The following ERBB4 variants were observed in gnomAD, a reference collection of about 807,000 sequenced individuals.
ERBB4 encodes the protein erb-b2 receptor tyrosine kinase 4.
In ERBB4, 42 loss-of-function variants were observed where a neutral mutation model predicts 158.0. The observed-to-expected ratio is 0.27, with a 90% CI of 0.21 to 0.34. ERBB4 has a LOEUF of 0.34. Among genes scored for constraint, ERBB4 ranks in the 10% least tolerant of loss-of-function variants. The pLI, the probability that ERBB4 is intolerant of heterozygous loss-of-function variation, is 1.00. For missense variants in ERBB4, 1,333 were observed against 1,624.1 expected, an observed-to-expected ratio of 0.82 and a Z score of 3.08; for synonymous variants, 583 against 558.7, an observed-to-expected ratio of 1.04 and a Z score of -0.61.
At chr2:212,478,464 TAAATATA>T (rs909364291) in intron 1 of ERBB4, among the ~76,000 whole-genome samples, 4 of 151,450 alleles carry the variant, frequency 2.6e-5, no homozygotes, top group Admixed American at 1.3e-4. Flanking sequence ...AAGTTATGAA[TAAATATA>T]AAATATAAGT....
At chr2:212,120,444 T>A (rs2079714107) in intron 2 of ERBB4, among the ~76,000 whole-genome samples, 1 of 152,166 alleles carries the variant, frequency 6.6e-6, no homozygotes, top group Non-Finnish European at 1.5e-5. Context: ...TTAAGACAAA[T>A]ACTAATTCAT....
chr2:211,557,838 T>C (rs1257104073), intron 20 of ERBB4, among the ~76,000 whole-genome samples: 1 of 152,170 alleles, frequency 6.6e-6, no homozygotes, highest in East Asian at 1.9e-4. Context: ...TGCAACAGTA[T>C]TTCCAATAGC....
At chr2:211,771,365 G>A (rs1047438212) in intron 4 of ERBB4, among the ~76,000 whole-genome samples, 1 of 152,318 alleles carries the variant, frequency 6.6e-6, no homozygotes, top group East Asian at 1.9e-4. Context: ...AGTGGAAACT[G>A]AATCTAAACA....
At chr2:211,443,701 C>T (rs745573324) in intron 20 of ERBB4, among the ~76,000 whole-genome samples, 7 of 151,960 alleles carry the variant, frequency 4.6e-5, no homozygotes, top group Non-Finnish European at 7.4e-5. Flanking sequence ...TCATTATCAG[C>T]GCTGCCACTA....
Position 211,999,308 on chromosome 2 carries a change from A to G in ERBB4, c.235-51692T>C, listed in dbSNP as rs182873411. Reference sequence around the variant, plus strand: ...AATTGGTTTTAAAATCATTAGCATCAATCAATTTTTTGCCAGTTCTCATAT... The same window carrying G: ...AATTGGTTTTAAAATCATTAGCATCGATCAATTTTTTGCCAGTTCTCATAT... On this transcript the variant is annotated intron_variant, in intron 2 of 27. Transcript: ENST00000342788. 2.4e-3 allele frequency among the ~76,000 whole-genome samples: 367 copies of G among 151,968 alleles called. 1 individual carries two copies. The highest frequency in any genetic ancestry group is 8.6e-3 in the African/African-American group (358 of 41,562).
At chr2:211,989,030 T>C (rs2082005793) in intron 2 of ERBB4, among the ~76,000 whole-genome samples, 8 of 152,068 alleles carry the variant, frequency 5.3e-5, no homozygotes, top group Admixed American at 5.2e-4. Context: ...TTCTTTTTTG[T>C]TCTATAGTCC....
intron 1 of ERBB4, among the ~76,000 whole-genome samples, chr2:212,316,008 T>C (rs2087257850): frequency 6.6e-6 from 1 of 151,434 alleles, no homozygotes; most frequent in Admixed American, 6.6e-5. Context: ...AGCTAAATAT[T>C]GATTCCTAAC....
intron 20 of ERBB4, among the ~76,000 whole-genome samples, chr2:211,561,430 C>A (rs2067389407): frequency 6.6e-6 from 1 of 152,112 alleles, no homozygotes; most frequent in African/African-American, 2.4e-5. Flanking sequence ...AAACTCTCAA[C>A]CATTAAAAAC....
At chr2:211,482,358 C>T (rs530840588) in intron 20 of ERBB4, among the ~76,000 whole-genome samples, 1 of 152,162 alleles carries the variant, frequency 6.6e-6, no homozygotes, top group Non-Finnish European at 1.5e-5. Context: ...TTAGAAGGGT[C>T]ATGCCTCAGT....
intron 25 of ERBB4, among the ~76,000 whole-genome samples, chr2:211,406,495 A>AAAACATTC (rs2063150677): frequency 6.6e-6 from 1 of 152,176 alleles, no homozygotes; most frequent in Non-Finnish European, 1.5e-5. Flanking sequence ...TCTGATGATA[A>AAAACATTC]AAACATTCAA....
chr2:212,147,746 G>C (rs375854054), intron 1 of ERBB4, among the ~76,000 whole-genome samples: 1 of 152,266 alleles, frequency 6.6e-6, no homozygotes, highest in African/African-American at 2.4e-5. Context: ...TTGTTAGTTT[G>C]AGAAACATTG....
At chr2:211,982,212 T>C (rs1377588146) in intron 2 of ERBB4, among the ~76,000 whole-genome samples, 1 of 152,128 alleles carries the variant, frequency 6.6e-6, no homozygotes, top group Non-Finnish European at 1.5e-5. Context: ...TGTCCTCCTA[T>C]AATTTTTCAG....
intron 1 of ERBB4, among the ~76,000 whole-genome samples, chr2:212,263,536 T>C (rs1443673624): frequency 3.3e-5 from 5 of 152,106 alleles, no homozygotes; most frequent in African/African-American, 1.2e-4. Flanking sequence ...GCAAATACTG[T>C]GTTAAATGTT....
At chr2:211,914,049 C>CAAAAA (rs74891191) in intron 3 of ERBB4, among the ~76,000 whole-genome samples, 1 of 93,276 alleles carries the variant, frequency 1.1e-5, no homozygotes, top group African/African-American at 3.4e-5. Flanking sequence ...CTTGGAATGA[C>CAAAAA]AAAAAAAAAA....
chr2:212,310,449 T>C (rs913246614), intron 1 of ERBB4, among the ~76,000 whole-genome samples: 1 of 150,792 alleles, frequency 6.6e-6, no homozygotes, highest in Admixed American at 6.6e-5. Flanking sequence ...TTTGTTTTTC[T>C]TTTTCATGCC....
Position 212,326,518 on chromosome 2 carries a change from G to A in ERBB4, c.83-201615C>T, listed in dbSNP as rs17419065. 9.6e-3 allele frequency among the ~76,000 whole-genome samples: 1,450 copies of A among 150,746 alleles called. 81 individuals are homozygous for A. The highest frequency in any genetic ancestry group is 0.028 in the Admixed American group (420 of 15,128). ...CTTAAAAAAAAATTCATTTGAATAC[G>A]CTTTAGCCCAAAAGCTCCTTACATA... is the stretch of plus-strand genomic sequence containing the variant. On this transcript the variant is annotated intron_variant, in intron 1 of 27. Coordinates refer to ENST00000342788, the MANE Select transcript of ERBB4 (RefSeq NM_005235.3).
At chr2:212,361,809 G>C (rs964811741) in intron 1 of ERBB4, among the ~76,000 whole-genome samples, 2 of 151,632 alleles carry the variant, frequency 1.3e-5, no homozygotes, top group African/African-American at 4.8e-5. Context: ...TGTCTGGCAT[G>C]TGGTTGTCAC....
intron 1 of ERBB4, among the ~76,000 whole-genome samples, chr2:212,436,305 A>C (rs2092136015): frequency 6.6e-6 from 1 of 152,074 alleles, no homozygotes; most frequent in Admixed American, 6.6e-5. Flanking sequence ...ATATTAAAAG[A>C]AATAAATATG....
chr2:211,470,307 C>G (rs2064800425), intron 20 of ERBB4, among the ~76,000 whole-genome samples: 1 of 152,116 alleles, frequency 6.6e-6, no homozygotes, highest in African/African-American at 2.4e-5. Flanking sequence ...GTTAGTGGCA[C>G]TAGCACCCTG....
Sources: allele counts gnomAD v4.1 joint callset (sites outside exome capture counted in the v4.1 genomes callset), GRCh38; gene constraint gnomAD v4.1.1; transcripts MANE v1.5; gene names NCBI Gene and HGNC (gene_info 2026-07-23, HGNC 2026-07-21).